SLC24A2: variants seen among roughly 807,000 people sequenced by gnomAD.
SLC24A2 encodes the protein solute carrier family 24 member 2.
In SLC24A2, 36 loss-of-function variants were observed where a neutral mutation model predicts 62.0. The ratio of observed to expected loss-of-function variants is 0.58; its 90% CI spans 0.44 to 0.77. SLC24A2 has a LOEUF of 0.77. SLC24A2 is among the 30% of genes least tolerant of loss of function. The pLI is 0.00. For missense variants in SLC24A2, 846 were observed against 817.9 expected (o/e 1.03, Z -0.42); for synonymous variants, 358 against 294.0 (o/e 1.22, Z -2.23).
chr9:19,609,199 C>A (rs143466337), intron 4 of SLC24A2, among the ~76,000 whole-genome samples: 16 of 152,364 alleles, frequency 1.1e-4, no homozygotes, highest in African/African-American at 3.6e-4. Context: ...CATGAATGTG[C>A]GCTCTCACTG....
At chr9:20,014,112 G>T in the SLC24A2 span, among the ~76,000 whole-genome samples, 1 of 152,136 alleles carries the variant, frequency 6.6e-6, no homozygotes, top group Non-Finnish European at 1.5e-5. Context: ...GAAGGCTGAG[G>T]CCAGAAGATC....
At chr9:19,620,730 C>T (rs1310237133) in intron 3 of SLC24A2, among the ~76,000 whole-genome samples, 1 of 152,142 alleles carries the variant, frequency 6.6e-6, no homozygotes, top group Non-Finnish European at 1.5e-5. Context: ...GGCAGCCAAG[C>T]TTTATAGACA....
chr9:19,842,509 G>A, the SLC24A2 span, among the ~76,000 whole-genome samples: 1 of 152,164 alleles, frequency 6.6e-6, no homozygotes, highest in Non-Finnish European at 1.5e-5. Context: ...CATGGGTCCA[G>A]AAATCAAGGG....
At chr9:20,216,279 C>A in the SLC24A2 span, among the ~76,000 whole-genome samples, 1 of 152,292 alleles carries the variant, frequency 6.6e-6, no homozygotes, top group East Asian at 1.9e-4. Context: ...AAAAGGATGA[C>A]CTGTCAGAGA....
intron 4 of SLC24A2, among the ~76,000 whole-genome samples, chr9:19,609,906 G>A (rs917474632): frequency 1.3e-5 from 2 of 152,096 alleles, no homozygotes; most frequent in Admixed American, 6.5e-5. Flanking sequence ...TAGAGTTCAC[G>A]CTCCTTTGAG....
chr9:20,103,260 C>G, the SLC24A2 span, among the ~76,000 whole-genome samples: 1 of 152,232 alleles, frequency 6.6e-6, no homozygotes, highest in Non-Finnish European at 1.5e-5. Flanking sequence ...AGCTCCACCT[C>G]TGGGGGCAGG....
the SLC24A2 span, among the ~76,000 whole-genome samples, chr9:20,304,926 C>T: frequency 4.6e-5 from 7 of 152,036 alleles, no homozygotes; most frequent in South Asian, 1.0e-3. Flanking sequence ...CTGCCAGTCT[C>T]GGTGTCCACC....
chr9:19,820,084 C>T, the SLC24A2 span, among the ~76,000 whole-genome samples: 21 of 113,962 alleles, frequency 1.8e-4, no homozygotes, highest in African/African-American at 7.3e-4. Flanking sequence ...TATATATATA[C>T]AATGGAATAC....
At chr9:19,914,135 C>T in the SLC24A2 span, among the ~76,000 whole-genome samples, 71 of 152,112 alleles carry the variant, frequency 4.7e-4, no homozygotes, top group African/African-American at 1.5e-3. Flanking sequence ...CCTCAAAATG[C>T]GCTTCCTTTC....
the SLC24A2 span, among the ~76,000 whole-genome samples, chr9:20,134,509 C>T: frequency 3.9e-5 from 6 of 152,064 alleles, no homozygotes; most frequent in Admixed American, 2.6e-4. Context: ...GAAAGGAAAC[C>T]GAAAGAGCCT....
At chr9:19,764,067 C>A (rs1179545631) in intron 2 of SLC24A2, among the ~76,000 whole-genome samples, 2 of 152,124 alleles carry the variant, frequency 1.3e-5, no homozygotes, top group Non-Finnish European at 2.9e-5. Context: ...AGGAATTTAT[C>A]CATGTCTTCT....
chr9:19,545,035 C>G (rs1834481724), intron 8 of SLC24A2, among the ~76,000 whole-genome samples: 1 of 152,140 alleles, frequency 6.6e-6, no homozygotes. Context: ...CAACTTGGTT[C>G]CATTCTCTCC....
At chr9:20,229,870 C>A in the SLC24A2 span, among the ~76,000 whole-genome samples, 76 of 151,294 alleles carry the variant, frequency 5.0e-4, no homozygotes, top group African/African-American at 1.4e-3. Flanking sequence ...TGTCCTAATG[C>A]CATCCCTCCC....
At chr9:20,100,201 T>C in the SLC24A2 span, among the ~76,000 whole-genome samples, 1 of 151,788 alleles carries the variant, frequency 6.6e-6, no homozygotes, top group Non-Finnish European at 1.5e-5. Context: ...TGTGTTTTTG[T>C]TTGTTTTTTT....
chr9:19,983,690 C>T, the SLC24A2 span, among the ~76,000 whole-genome samples: 1 of 151,986 alleles, frequency 6.6e-6, no homozygotes, highest in African/African-American at 2.4e-5. Flanking sequence ...TGGAAATGAT[C>T]AACCTGAAAA....
At chr9:20,295,053 T>TATATATACAC in the SLC24A2 span, among the ~76,000 whole-genome samples, 1 of 144,426 alleles carries the variant, frequency 6.9e-6, no homozygotes, top group African/African-American at 2.6e-5. Flanking sequence ...TATATATATA[T>TATATATACAC]ACACACACAC....
At chr9:20,083,713 A>T in the SLC24A2 span, among the ~76,000 whole-genome samples, 96,395 of 152,096 alleles carry the variant, frequency 0.63, 31,685 homozygotes, top group East Asian at 0.95. Context: ...AAATAAAACA[A>T]CTCTTCGAAA....
the SLC24A2 span, among the ~76,000 whole-genome samples, chr9:20,094,600 C>A: frequency 6.6e-6 from 1 of 151,866 alleles, no homozygotes; most frequent in Non-Finnish European, 1.5e-5. Context: ...GAAAAATCAC[C>A]GGTTATTGAT....
chr9:19,994,366 C>G, the SLC24A2 span, among the ~76,000 whole-genome samples: 1 of 152,192 alleles, frequency 6.6e-6, no homozygotes, highest in East Asian at 1.9e-4. Flanking sequence ...CCCATGCACA[C>G]AATAAATTCT....
Sources: allele counts gnomAD v4.1 joint callset (sites outside exome capture counted in the v4.1 genomes callset), GRCh38; gene constraint gnomAD v4.1.1; transcripts MANE v1.5; gene names NCBI Gene and HGNC (gene_info 2026-07-23, HGNC 2026-07-21).